LMX1A: variants seen among roughly 807,000 people sequenced by gnomAD.
LMX1A encodes the protein LIM homeobox transcription factor 1 alpha, also known as LIM homeobox transcription factor 1-alpha.
LMX1A carries 15 observed loss-of-function variants against 49.1 expected under a neutral mutation model. The ratio of observed to expected loss-of-function variants is 0.31; its 90% CI spans 0.20 to 0.47. LMX1A has a LOEUF of 0.47. LMX1A is among the 20% of genes least tolerant of loss of function. The pLI is 1.00. For synonymous variants in LMX1A, 167 were observed against 185.7 expected, an observed-to-expected ratio of 0.90 and a Z score of 0.82; for missense variants, 372 against 475.8, an observed-to-expected ratio of 0.78 and a Z score of 2.03.
At chr1:165,248,821 G>T (rs1197970801) in intron 4 of LMX1A, among the ~76,000 whole-genome samples, 2 of 152,150 alleles carry the variant, frequency 1.3e-5, no homozygotes, top group South Asian at 2.1e-4. Flanking sequence ...CTGGGCAAGG[G>T]TTTGTGGTGC....
chr1:165,338,671 T>C (rs1655974322), intron 3 of LMX1A, among the ~76,000 whole-genome samples: 1 of 152,268 alleles, frequency 6.6e-6, no homozygotes, highest in Non-Finnish European at 1.5e-5. Context: ...TAACAACCAG[T>C]TGACAAGTAG....
chr1:165,206,616 T>A (rs1207270856), intron 7 of LMX1A, among the ~76,000 whole-genome samples: 1 of 152,158 alleles, frequency 6.6e-6, no homozygotes, highest in Non-Finnish European at 1.5e-5. Context: ...TGAGTTTGTG[T>A]TCTCATATGC....
chr1:165,295,820 C>T (rs76676297), intron 3 of LMX1A, among the ~76,000 whole-genome samples: 2,573 of 152,196 alleles, frequency 0.017, 44 homozygotes, highest in Middle Eastern at 0.024. Context: ...CAGAGGCAGA[C>T]AGGAAAAGAA....
At chr1:165,240,175 TA>T (rs1192404480) in intron 4 of LMX1A, among the ~76,000 whole-genome samples, 19 of 152,200 alleles carry the variant, frequency 1.2e-4, no homozygotes, top group African/African-American at 3.6e-4. Context: ...TAGCTTATGA[TA>T]AAAAATGTAT....
intron 3 of LMX1A, among the ~76,000 whole-genome samples, chr1:165,291,986 C>T (rs1463019334): frequency 2.2e-5 from 3 of 139,376 alleles, no homozygotes; most frequent in Non-Finnish European, 3.1e-5. Context: ...GGCGTGAACC[C>T]GGGAGGCGGA....
Position 165,202,104 on chromosome 1 carries a change from TA to T in LMX1A, c.*1775del, listed in dbSNP as rs1406401830. On this transcript the variant is annotated 3_prime_UTR_variant, in exon 9 of 9. Coordinates refer to ENST00000342310, the MANE Select transcript of LMX1A (RefSeq NM_177398.4). ...AAATCACACAACATAGACTCTACCA[TA>T]AGGGGACATGTTCCCTCTGGCCTTG... 1 of 152,448 alleles carries T rather than the reference TA, an allele frequency of 6.6e-6. No homozygotes were observed. Among genetic ancestry groups the T allele is most frequent in the East Asian group, 1.9e-4 (1 of 5,168 alleles). The allele number at this position is 152,448 out of a possible 1,614,324, so 9.4% of individuals were successfully genotyped here.
chr1:165,217,074 TG>T (rs956882853), intron 4 of LMX1A, among the ~76,000 whole-genome samples: 2 of 152,176 alleles, frequency 1.3e-5, no homozygotes, highest in East Asian at 1.9e-4. Flanking sequence ...TTACAGTCAG[TG>T]GGGGGGTCTC....
chr1:165,213,382 G>A (rs1651504745), intron 5 of LMX1A: 2 of 403,308 alleles, frequency 5.0e-6, no homozygotes, highest in Admixed American at 8.2e-5. Context: ...TTCCCATTGT[G>A]CTCTATGAAA....
At chr1:165,237,857 T>C (rs1179293751) in intron 4 of LMX1A, among the ~76,000 whole-genome samples, 1 of 152,186 alleles carries the variant, frequency 6.6e-6, no homozygotes, top group African/African-American at 2.4e-5. Flanking sequence ...TCTTGAAACC[T>C]CTTGATGGAA....
intron 4 of LMX1A, among the ~76,000 whole-genome samples, chr1:165,234,702 G>A (rs1652366992): frequency 6.6e-6 from 1 of 152,098 alleles, no homozygotes; most frequent in South Asian, 2.1e-4. Flanking sequence ...GGTCTTCACC[G>A]CCAAGGCCAA....
intron 4 of LMX1A, among the ~76,000 whole-genome samples, chr1:165,215,180 G>A (rs777331406): frequency 1.2e-4 from 19 of 152,070 alleles, no homozygotes; most frequent in Non-Finnish European, 1.9e-4. Context: ...ATGTGGTGGT[G>A]GGTGCCTGTA....
At chr1:165,257,899 G>A (rs1653304121) in intron 3 of LMX1A, among the ~76,000 whole-genome samples, 1 of 152,204 alleles carries the variant, frequency 6.6e-6, no homozygotes, top group Non-Finnish European at 1.5e-5. Flanking sequence ...TGAGCCAACT[G>A]TAGTGTACTG....
At chr1:165,248,111 G>T (rs1652923065) in intron 4 of LMX1A, among the ~76,000 whole-genome samples, 1 of 152,206 alleles carries the variant, frequency 6.6e-6, no homozygotes, top group Admixed American at 6.5e-5. Context: ...CCCAGTAGGA[G>T]AAGTTAAGGG....
intron 3 of LMX1A, among the ~76,000 whole-genome samples, chr1:165,315,807 C>A (rs1397645401): frequency 6.6e-6 from 1 of 152,238 alleles, no homozygotes; most frequent in African/African-American, 2.4e-5. Flanking sequence ...TCTCCTAGAA[C>A]CTTGACTTCA....
intron 3 of LMX1A, among the ~76,000 whole-genome samples, chr1:165,259,519 G>C (rs933538902): frequency 6.6e-6 from 1 of 152,134 alleles, no homozygotes; most frequent in Non-Finnish European, 1.5e-5. Flanking sequence ...TTCTTACAGA[G>C]GCTGCTGACT....
At chr1:165,293,949 G>A (rs1215611621) in intron 3 of LMX1A, among the ~76,000 whole-genome samples, 1 of 152,178 alleles carries the variant, frequency 6.6e-6, no homozygotes, top group Non-Finnish European at 1.5e-5. Context: ...CATTCCATAT[G>A]CTGGATACTA....
intron 3 of LMX1A, among the ~76,000 whole-genome samples, chr1:165,319,043 C>A (rs71583439): frequency 0.16 from 22,030 of 136,388 alleles, 1,682 homozygotes; most frequent in Admixed American, 0.2. Flanking sequence ...ACACACACAC[C>A]CCAACTTCTT....
chr1:165,345,019 C>T (rs556302463), intron 3 of LMX1A, among the ~76,000 whole-genome samples: 26 of 152,284 alleles, frequency 1.7e-4, no homozygotes, highest in African/African-American at 5.8e-4. Context: ...TTTCTGGGCC[C>T]AGGGGGAGCT....
intron 4 of LMX1A, among the ~76,000 whole-genome samples, chr1:165,247,376 G>A (rs189354668): frequency 5.9e-5 from 9 of 152,088 alleles, no homozygotes; most frequent in Middle Eastern, 3.4e-3. Context: ...CTAAGAGGGC[G>A]GACACAGCAA....
Sources: allele counts gnomAD v4.1 joint callset (sites outside exome capture counted in the v4.1 genomes callset), GRCh38; gene constraint gnomAD v4.1.1; transcripts MANE v1.5; gene names NCBI Gene and HGNC (gene_info 2026-07-23, HGNC 2026-07-21).